ZBTB40: variants seen among roughly 807,000 people sequenced by gnomAD.
ZBTB40 encodes the protein zinc finger and BTB domain containing 40, also known as zinc finger and BTB domain-containing protein 40.
ZBTB40 carries 60 observed loss-of-function variants against 117.5 expected under a neutral mutation model. The observed-to-expected ratio is 0.51, with a 90% CI of 0.41 to 0.63. The LOEUF (loss-of-function observed/expected upper bound fraction) is 0.63. Among genes scored for constraint, ZBTB40 ranks in the 30% least tolerant of loss-of-function variants. ZBTB40 has a pLI of 0.00. For synonymous variants in ZBTB40, 525 were observed against 577.1 expected (o/e 0.91, Z 1.29); for missense variants, 1,287 against 1,498.5 (o/e 0.86, Z 2.33).
At chr1:22,501,238 C>T (rs1200961667) in intron 3 of ZBTB40, among the ~76,000 whole-genome samples, 1 of 152,184 alleles carries the variant, frequency 6.6e-6, no homozygotes, top group Non-Finnish European at 1.5e-5. Flanking sequence ...CAGGAAAGGC[C>T]TCCCAGCAGA....
chr1:22,482,480 A>G (rs1347604913), intron 1 of ZBTB40, among the ~76,000 whole-genome samples: 3 of 152,170 alleles, frequency 2.0e-5, no homozygotes, highest in African/African-American at 7.2e-5. Flanking sequence ...ATGAACCTAC[A>G]TTGACACATA....
chr1:22,472,593 A>C (rs1017703126), intron 1 of ZBTB40, among the ~76,000 whole-genome samples: 2 of 152,178 alleles, frequency 1.3e-5, no homozygotes, highest in Non-Finnish European at 2.9e-5. Context: ...TATGGGAGAG[A>C]AGTAGAGGTG....
At chr1:22,472,211 G>C (rs924784015) in intron 1 of ZBTB40, among the ~76,000 whole-genome samples, 5 of 150,724 alleles carry the variant, frequency 3.3e-5, no homozygotes, top group Admixed American at 6.6e-5. Flanking sequence ...GAGTCTTGCT[G>C]TGTTGCCCAG....
chr1:22,495,503 T>A (rs917177914), intron 3 of ZBTB40, among the ~76,000 whole-genome samples: 1 of 151,150 alleles, frequency 6.6e-6, no homozygotes, highest in Non-Finnish European at 1.5e-5. Flanking sequence ...GTTTTTTTTG[T>A]TTTGTTTTGT....
intron 1 of ZBTB40, among the ~76,000 whole-genome samples, chr1:22,473,307 A>G (rs576513334): frequency 2.6e-5 from 4 of 152,146 alleles, no homozygotes; most frequent in African/African-American, 9.7e-5. Context: ...GTTCTAGTGG[A>G]TAAAGGGCAT....
At chr1:22,506,445 G>A (rs1639078450) in intron 6 of ZBTB40, among the ~76,000 whole-genome samples, 3 of 152,194 alleles carry the variant, frequency 2.0e-5, no homozygotes, top group Admixed American at 2.0e-4. Context: ...TCTCGGTTAA[G>A]CTCCCTCATG....
rs745673694 is a variant in ZBTB40 at position 22,508,715 on chromosome 1, T to C, written c.1683T>C (p.Asp561=). The change falls in exon 8 of 18, where the codon GAT becomes GAC. Residue 561 remains aspartate (D), a synonymous_variant. Transcript: ENST00000375647. The part of the protein sequence containing the change: ...MEEIRREPGA[D]AFFRAVTTPE... ...AAATACGAAGGGAGCCTGGTGCCGA[T>C]GCTTTCTTCCGGGCAGGTAAGTTAC... is the stretch of plus-strand genomic sequence containing the variant. 21 of 1,613,722 alleles carry C rather than the reference T, an allele frequency of 1.3e-5. No homozygotes were observed. Among genetic ancestry groups the C allele is most frequent in the Non-Finnish European group, 1.6e-5 (19 of 1,180,026 alleles).
intron 1 of ZBTB40, among the ~76,000 whole-genome samples, chr1:22,458,690 G>C (rs1452202555): frequency 6.6e-6 from 1 of 152,134 alleles, no homozygotes; most frequent in African/African-American, 2.4e-5. Context: ...TCATAAACAG[G>C]CTCTTTTTCT....
chr1:22,489,221 C>A (rs1259344388), intron 1 of ZBTB40, among the ~76,000 whole-genome samples: 1 of 152,084 alleles, frequency 6.6e-6, no homozygotes, highest in Non-Finnish European at 1.5e-5. Context: ...GATGATATTT[C>A]AAAGCTATGG....
At chr1:22,454,640 C>A (rs182280251) in intron 1 of ZBTB40, among the ~76,000 whole-genome samples, 31 of 152,304 alleles carry the variant, frequency 2.0e-4, no homozygotes, top group Non-Finnish European at 3.1e-4. Context: ...TGTTGGAGAA[C>A]TCAAAGGGAG....
chr1:22,490,322 T>A lies in ZBTB40; in HGVS notation c.374T>A (p.Val125Glu), dbSNP rs1231240952. The change falls in exon 2 of 18, where the codon GTG (valine) becomes GAG (glutamate). Residue 125 changes from valine (V) to glutamate (E), a missense_variant. Physicochemically the swap from Val to Glu is moderately radical, Grantham distance 121. This residue lies in a region of ZBTB40 where 870 missense variants were observed against 934.4 expected (regional missense o/e 0.93). Coordinates refer to ENST00000375647, the MANE Select transcript of ZBTB40 (RefSeq NM_014870.4). Reference protein sequence around the residue: ...SLVNCSVQGQVVRDVSAPSSE... With the variant: ...SLVNCSVQGQEVRDVSAPSSE... The stretch of plus-strand genomic sequence containing the variant: ...GTAAACTGCTCGGTTCAGGGTCAGG[T>A]GGTAAGGGATGTCTCTGCGCCATCC... 5.6e-6 allele frequency: 9 copies of A among 1,613,908 alleles called. No individual in the cohort carries two copies. Among genetic ancestry groups the A allele is most frequent in the African/African-American group, 1.3e-5 (1 of 74,854 alleles).
In ZBTB40 at chr1:22,446,223, G is replaced by GAA. The variant is rs71020420; in HGVS notation, c.-70+17221_-70+17222dup. Among the ~76,000 whole-genome samples the GAA allele has an allele frequency of 1.2e-3, 129 of 111,602 alleles. 1 individual carries two copies. The highest frequency in any genetic ancestry group is 4.2e-3 in the Middle Eastern group (1 of 238). 73.2% of individuals were successfully genotyped at this position (111,602 alleles called of 152,430 possible). ...TATGTCAGTAGAAGCCTCCAAAACT[G>GAA]AAAAAAAAAAAAATGAGAAAAAAAG... On this transcript the variant is annotated intron_variant, in intron 1 of 8. Transcript: ENST00000650433.
intron 15 of ZBTB40, 103 bp from the exon 16 acceptor site, chr1:22,522,274 C>T: frequency 9.5e-7 from 1 of 1,048,948 alleles, no homozygotes; most frequent in East Asian, 2.4e-5. Flanking sequence ...TAGATGCTTG[C>T]TAAGTATTGG....
At chr1:22,518,434 A>G (rs1396130408) in intron 13 of ZBTB40, among the ~76,000 whole-genome samples, 1 of 152,222 alleles carries the variant, frequency 6.6e-6, no homozygotes, top group East Asian at 1.9e-4. Context: ...ATGCTCAGTA[A>G]TGCCAGATAC....
chr1:22,481,283 T>C (rs1638303825), intron 1 of ZBTB40, among the ~76,000 whole-genome samples: 1 of 152,236 alleles, frequency 6.6e-6, no homozygotes, highest in Non-Finnish European at 1.5e-5. Context: ...TAATTATTAT[T>C]GCATTAATCT....
intron 1 of ZBTB40, among the ~76,000 whole-genome samples, chr1:22,478,368 C>T (rs1272797424): frequency 6.6e-6 from 1 of 152,180 alleles, no homozygotes; most frequent in African/African-American, 2.4e-5. Context: ...CTGTCTCAGC[C>T]TCCTGAGTAG....
chr1:22,488,987 C>T (rs1024356421), intron 1 of ZBTB40, among the ~76,000 whole-genome samples: 2 of 151,952 alleles, frequency 1.3e-5, no homozygotes, highest in South Asian at 2.1e-4. Context: ...TTGGATATAG[C>T]GTATGAGAAA....
intron 1 of ZBTB40, among the ~76,000 whole-genome samples, chr1:22,460,671 G>A (rs952875566): frequency 1.3e-5 from 2 of 152,124 alleles, no homozygotes; most frequent in African/African-American, 4.8e-5. Flanking sequence ...GTTTTGAAAG[G>A]TTAAGTAACT....
intron 1 of ZBTB40, among the ~76,000 whole-genome samples, chr1:22,482,651 CCCTCT>C (rs1331591696): frequency 6.6e-6 from 1 of 150,674 alleles, no homozygotes; most frequent in African/African-American, 2.4e-5. Context: ...ATTCATCCCT[CCCTCT>C]CCTCTAACCC....
Sources: gnomAD v4.1 joint callset for allele counts (sites outside exome capture counted in the v4.1 genomes callset) on GRCh38, gnomAD v4.1.1 for gene constraint, gnomAD v4.1.1 regional missense constraint, MANE v1.5 for transcripts, NCBI Gene and HGNC (gene_info 2026-07-23, HGNC 2026-07-21) for gene names.